TBC1D13: variants seen among roughly 807,000 people sequenced by gnomAD.
The protein encoded by TBC1D13 is TBC1 domain family member 13.
In TBC1D13, 40 loss-of-function variants were observed where a neutral mutation model predicts 53.6. The ratio of observed to expected loss-of-function variants is 0.75; its 90% CI spans 0.58 to 0.97. The LOEUF is 0.97. Among genes scored for constraint, TBC1D13 ranks in the 50% least tolerant of loss-of-function variants. The pLI, the probability that TBC1D13 is intolerant of heterozygous loss-of-function variation, is 0.00. For synonymous variants in TBC1D13, 182 were observed against 197.7 expected (o/e 0.92, Z 0.67); for missense variants, 377 against 499.4 (o/e 0.75, Z 2.34).
In TBC1D13 at chr9:128,797,185, G is replaced by T; in HGVS notation, c.514G>T (p.Val172Leu). ...VEQTTLKSQT[V>L]ARNRSGVTNM... Reference sequence around the variant, plus strand: ...ACAGACAACACTGAAATCTCAGACGGTGGCCCGGAACCGGAGTGGGGTCAC... The same window carrying T: ...ACAGACAACACTGAAATCTCAGACGTTGGCCCGGAACCGGAGTGGGGTCAC... The change falls in exon 7 of 12, where the codon GTG becomes TTG. Residue 172 changes from valine to leucine, a missense_variant. Transcript: ENST00000372648. 6.2e-7 allele frequency: 1 copy of T among 1,614,070 alleles called. No individual in the cohort carries two copies. The highest frequency in any genetic ancestry group is 8.5e-7 in the Non-Finnish European group (1 of 1,179,988).
rs759659256 is a variant in TBC1D13, at chr9:128,791,401, T to C, written c.160T>C (p.Leu54=). 1.7e-5 allele frequency: 28 copies of C among 1,614,040 alleles called. No individual in the cohort carries two copies. The highest frequency in any genetic ancestry group is 2.3e-5 in the Non-Finnish European group (27 of 1,180,038). Residue 54 remains leucine (L), a synonymous_variant, in exon 4 of 12, where the codon TTG becomes CTG. Transcript: ENST00000372648. ...CWKILLNYLP[L]ERASWTSILA... ...GCAGATTCTCTTGAACTACCTTCCC[T>C]TGGAGAGAGCCTCATGGACCTCCAT...
At chr9:128,796,360 C>G (rs1321606954) in intron 6 of TBC1D13, among the ~76,000 whole-genome samples, 1 of 152,102 alleles carries the variant, frequency 6.6e-6, no homozygotes, top group African/African-American at 2.4e-5. Flanking sequence ...AGCGATTCTT[C>G]TGCCTCAGCC....
intron 6 of TBC1D13, among the ~76,000 whole-genome samples, chr9:128,794,287 A>G (rs1829586414): frequency 6.6e-6 from 1 of 152,118 alleles, no homozygotes; most frequent in Non-Finnish European, 1.5e-5. Context: ...AGATGGCCCC[A>G]TGTGACCCCC....
At chr9:128,796,252 ATTT>A (rs558315205) in intron 6 of TBC1D13, among the ~76,000 whole-genome samples, 1 of 143,166 alleles carries the variant, frequency 7.0e-6, no homozygotes, top group African/African-American at 2.6e-5. Flanking sequence ...CGCCTGGCTA[ATTT>A]TTTTTTTTTT....
At chr9:128,803,228 G>T in intron 7 of TBC1D13, 22 bp from the exon 8 acceptor site, 1 of 1,607,834 alleles carries the variant, frequency 6.2e-7, no homozygotes, top group Non-Finnish European at 8.5e-7. Flanking sequence ...TTTCTTGATG[G>T]GCTCCTCCTC....
At chr9:128,787,485 C>T in intron 1 of TBC1D13, 109 bp downstream of exon 1, 1 of 1,125,418 alleles carries the variant, frequency 8.9e-7, no homozygotes, top group South Asian at 4.5e-5. Flanking sequence ...CAGACCCCCT[C>T]GGCAGAGGGT....
At chr9:128,789,216 G>A (rs1330279203) in intron 2 of TBC1D13, among the ~76,000 whole-genome samples, 4 of 150,044 alleles carry the variant, frequency 2.7e-5, no homozygotes, top group African/African-American at 7.4e-5. Context: ...CCAGCTACTC[G>A]GGAGGCTGAG....
chr9:128,804,304 A>G (rs1829788872), intron 9 of TBC1D13, among the ~76,000 whole-genome samples, 185 bp downstream of exon 9: 1 of 152,178 alleles, frequency 6.6e-6, no homozygotes, highest in Non-Finnish European at 1.5e-5. Flanking sequence ...GGGAAGGGGA[A>G]AGTTGAGAAT....
chr9:128,805,765 C>T, intron 9 of TBC1D13, 94 bp from the exon 10 acceptor site: 23 of 1,380,142 alleles, frequency 1.7e-5, no homozygotes, highest in Non-Finnish European at 2.3e-5. Flanking sequence ...CTGGGCCCTG[C>T]TGTTCTGAAT....
In TBC1D13 at chr9:128,790,631, G is replaced by A. The variant is rs147656556; in HGVS notation, c.98-104G>A. 7.2e-5 allele frequency: 74 copies of A among 1,030,516 alleles called. No individual in the cohort carries two copies. In the East Asian group the frequency reaches 2.1e-3, roughly 29 times the overall value. 63.8% of individuals were successfully genotyped at this position (1,030,516 alleles called of 1,614,324 possible). ...TCTTGGGGAAATGATTCTTGAAGAAGTACTTCTTGCCCACTCTACTCCCCG... is the reference window on the plus strand; with the variant it reads ...TCTTGGGGAAATGATTCTTGAAGAAATACTTCTTGCCCACTCTACTCCCCG... On this transcript the variant is annotated intron_variant, in intron 2 of 11. Transcript: ENST00000372648.
chr9:128,794,000 T>C (rs1340365020), intron 6 of TBC1D13, among the ~76,000 whole-genome samples: 1 of 152,206 alleles, frequency 6.6e-6, no homozygotes, highest in African/African-American at 2.4e-5. Flanking sequence ...TTGCAAATAC[T>C]GTAGTGCTGT....
Position 128,809,893 on chromosome 9 carries a change from T to A in TBC1D13, c.*2014T>A, listed in dbSNP as rs1829916613. 1 of 152,776 alleles carries A rather than the reference T, an allele frequency of 6.5e-6. No homozygotes were observed. The highest frequency in any genetic ancestry group is 2.4e-5 in the African/African-American group (1 of 41,450). 9.5% of individuals were successfully genotyped at this position (152,776 alleles called of 1,614,324 possible). On this transcript the variant is annotated 3_prime_UTR_variant, in exon 12 of 12. Transcript: ENST00000372648. ...ACCTGGGCCACCCTCTCTCCAGGAC[T>A]TGTCAGCTGGTGGTTCAGCCCCTTC... is the stretch of plus-strand genomic sequence containing the variant.
intron 2 of TBC1D13, 134 bp downstream of exon 2, chr9:128,788,541 A>G: frequency 1.4e-6 from 1 of 723,240 alleles, no homozygotes; most frequent in Non-Finnish European, 2.3e-6. Flanking sequence ...TTACACACAG[A>G]CTCTTGGGGC....
Position 128,791,368 on chromosome 9 carries a change from C to T in TBC1D13, c.139-12C>T. On this transcript the variant is annotated splice_polypyrimidine_tract_variant and intron_variant, in intron 3 of 11. Transcript: ENST00000372648. Reference sequence around the variant, plus strand: ...AGGGTCACCAGAGCTTTGCCCTTCTCCCTCTGTGCAGATTCTCTTGAACTA... The same window carrying T: ...AGGGTCACCAGAGCTTTGCCCTTCTTCCTCTGTGCAGATTCTCTTGAACTA... The T allele has an allele frequency of 6.2e-7, 1 of 1,614,068 alleles. No individual in the cohort carries two copies. The highest frequency in any genetic ancestry group is 1.3e-5 in the African/African-American group (1 of 75,060).
intron 6 of TBC1D13, among the ~76,000 whole-genome samples, chr9:128,796,439 C>T (rs978987561): frequency 8.5e-5 from 13 of 152,070 alleles, no homozygotes; most frequent in African/African-American, 2.4e-4. Flanking sequence ...TTAGTAGAAA[C>T]GGAGTTTCTC....
intron 6 of TBC1D13, among the ~76,000 whole-genome samples, chr9:128,794,769 C>G (rs1829598172): frequency 6.6e-6 from 1 of 151,636 alleles, no homozygotes; most frequent in South Asian, 2.1e-4. Flanking sequence ...GACACCATGC[C>G]TGGCCAGGTT....
Position 128,792,750 on chromosome 9 carries a change from G to A in TBC1D13, c.383+176G>A, listed in dbSNP as rs539677762. Among the ~76,000 whole-genome samples the A allele has an allele frequency of 2.0e-5, 3 of 152,182 alleles. 1 individual carries two copies. Among genetic ancestry groups the A allele is most frequent in the Admixed American group, 1.3e-4 (2 of 15,278 alleles). On this transcript the variant is annotated intron_variant, in intron 6 of 11. Coordinates refer to ENST00000372648, the MANE Select transcript of TBC1D13 (RefSeq NM_018201.5). ...ATGATAGGCTGAGAACGAGGCTAGC[G>A]AGGGAGATTCTGTGCTTGCATGTAC...
intron 10 of TBC1D13, 90 bp from the exon 11 acceptor site, chr9:128,806,164 C>A: frequency 6.2e-7 from 1 of 1,604,310 alleles, no homozygotes; most frequent in Non-Finnish European, 8.5e-7. Flanking sequence ...GGCGACAAAC[C>A]AAACTTGAGG....
Position 128,795,437 on chromosome 9 carries a change from CTTTTTTTTTTTTTTTTTTTTTTTTTT to C in TBC1D13, c.384-1602_384-1577del, listed in dbSNP as rs539392878. On this transcript the variant is annotated intron_variant, in intron 6 of 11. Coordinates refer to ENST00000372648, the MANE Select transcript of TBC1D13 (RefSeq NM_018201.5). ...CCGTGTTAGCTAGGATGGTCACCATCTTTTTTTTTTTTTTTTTTTTTTTTTTTTTTTTTTTTTTTTTGGGAAGGAGT... is the reference window on the plus strand; with the variant it reads ...CCGTGTTAGCTAGGATGGTCACCATCTTTTTTTTTTTTTTTGGGAAGGAGT... Among the ~76,000 whole-genome samples, 77 of 57,822 alleles carry C rather than the reference CTTTTTTTTTTTTTTTTTTTTTTTTTT, an allele frequency of 1.3e-3. 3 individuals carry two copies. Among genetic ancestry groups the C allele is most frequent in the African/African-American group, 4.9e-3 (67 of 13,542 alleles). 37.9% of individuals were successfully genotyped at this position (57,822 alleles called of 152,430 possible).
Sources: allele counts gnomAD v4.1 joint callset (sites outside exome capture counted in the v4.1 genomes callset), GRCh38; gene constraint gnomAD v4.1.1; transcripts MANE v1.5; gene names NCBI Gene and HGNC (gene_info 2026-07-23, HGNC 2026-07-21).